The following ARHGAP8 variants were observed in gnomAD, a reference collection of about 807,000 sequenced individuals.
ARHGAP8 encodes rho GTPase-activating protein 8.
Under a neutral mutation model 46.1 loss-of-function variants are expected in ARHGAP8, and 62 were observed. That is an observed-to-expected ratio of 1.34 (90% CI 1.10 to 1.66). ARHGAP8 has a LOEUF of 1.66. Among genes scored for constraint, ARHGAP8 ranks in the 40% most tolerant of loss-of-function variants. The pLI is 0.00. For synonymous variants in ARHGAP8, 375 were observed against 243.1 expected (o/e 1.54, Z -5.05); for missense variants, 923 against 568.4 (o/e 1.62, Z -6.34).
chr22:44,860,128 T>G (rs1249464097), intron 11 of ARHGAP8, among the ~76,000 whole-genome samples: 1 of 152,100 alleles, frequency 6.6e-6, no homozygotes, highest in Admixed American at 6.5e-5. Context: ...CCCCATGTCA[T>G]TTCCTGCTTG....
intron 2 of ARHGAP8, among the ~76,000 whole-genome samples, chr22:44,793,511 C>G (rs1247967835): frequency 6.6e-6 from 1 of 152,128 alleles, no homozygotes; most frequent in Non-Finnish European, 1.5e-5. Context: ...TCCACTTTTG[C>G]AAAAATGGTT....
At chr22:44,860,958 G>A (rs3830115) in intron 11 of ARHGAP8, among the ~76,000 whole-genome samples, 64,045 of 151,654 alleles carry the variant, frequency 0.42, 13,762 homozygotes, top group East Asian at 0.6. Flanking sequence ...TTTTCTCCCT[G>A]TTGCTTGACA....
At chr22:44,772,366 T>TC (rs1214151159) in intron 1 of ARHGAP8, among the ~76,000 whole-genome samples, 4 of 148,016 alleles carry the variant, frequency 2.7e-5, no homozygotes, top group African/African-American at 7.4e-5. Flanking sequence ...TTTTTTTTTT[T>TC]TTAAGTAGAG....
chr22:44,808,269 G>T, intron 3 of ARHGAP8, 38 bp from the exon 4 acceptor site: 2 of 1,596,612 alleles, frequency 1.3e-6, no homozygotes, highest in Non-Finnish European at 1.7e-6. Context: ...ATAATGAGTA[G>T]GTGATTTTCA....
In ARHGAP8 at chr22:44,862,621, A is replaced by G; in HGVS notation, c.*26A>G. 2.0e-6 allele frequency: 3 copies of G among 1,530,490 alleles called. No homozygotes were observed. Among genetic ancestry groups the G allele is most frequent in the Admixed American group, 2.0e-5 (1 of 49,246 alleles). 94.8% of individuals were successfully genotyped at this position (1,530,490 alleles called of 1,614,324 possible). On this transcript the variant is annotated 3_prime_UTR_variant, in exon 12 of 12. Transcript: ENST00000356099. ...TGTTGCGAACACTCTGTATATTTCG[A>G]GCTACCTCCCACACCTGTCTGTGCA...
intron 6 of ARHGAP8, among the ~76,000 whole-genome samples, chr22:44,824,864 C>A (rs1412120419): frequency 6.6e-6 from 1 of 151,982 alleles, no homozygotes; most frequent in Non-Finnish European, 1.5e-5. Context: ...AACTCCTAAC[C>A]TCAAGTGATC....
At chr22:44,852,572 A>T (rs972730683) in intron 10 of ARHGAP8, among the ~76,000 whole-genome samples, 8 of 152,292 alleles carry the variant, frequency 5.3e-5, no homozygotes, top group South Asian at 2.1e-4. Context: ...TTTACAGTCC[A>T]GAAACTGAGT....
At position 44,808,442 on chromosome 22, in the gene ARHGAP8, C is replaced by A. The variant is rs374300088; in HGVS notation, c.299+4C>A. ...CATACAAGGAGTTCGATAGGAAGTACGTGCCCGCAAGCCTTCAGGGACGTG... is the reference window on the plus strand; with the variant it reads ...CATACAAGGAGTTCGATAGGAAGTAAGTGCCCGCAAGCCTTCAGGGACGTG... On this transcript the variant is annotated splice_donor_region_variant and intron_variant, in intron 4 of 11. Coordinates refer to ENST00000356099, the MANE Select transcript of ARHGAP8 (RefSeq NM_181335.3). The A allele has an allele frequency of 1.9e-6, 3 of 1,613,588 alleles. No individual in the cohort carries two copies. Among genetic ancestry groups the A allele is most frequent in the East Asian group, 4.5e-5 (2 of 44,880 alleles).
chr22:44,860,465 CCCT>C (rs1470604734), intron 11 of ARHGAP8, among the ~76,000 whole-genome samples: 1 of 152,148 alleles, frequency 6.6e-6, no homozygotes, highest in East Asian at 1.9e-4. Flanking sequence ...CTCCACCTTT[CCCT>C]CCTAAGTGTG....
At chr22:44,830,784 CCA>C (rs1930891866) in intron 7 of ARHGAP8, among the ~76,000 whole-genome samples, 1 of 152,128 alleles carries the variant, frequency 6.6e-6, no homozygotes, top group Admixed American at 6.5e-5. Context: ...GGTGATCCAC[CCA>C]TCTCGGCCTC....
At chr22:44,819,660 C>T (rs540869357) in intron 5 of ARHGAP8, among the ~76,000 whole-genome samples, 22 of 151,836 alleles carry the variant, frequency 1.4e-4, no homozygotes, top group Non-Finnish European at 2.9e-4. Flanking sequence ...GCAATAAGAG[C>T]GAAACTCCAC....
At chr22:44,810,007 A>G (rs1430839816) in intron 4 of ARHGAP8, among the ~76,000 whole-genome samples, 1 of 152,134 alleles carries the variant, frequency 6.6e-6, no homozygotes, top group African/African-American at 2.4e-5. Context: ...GGGCACCTGT[A>G]TAAGCTGGAG....
chr22:44,772,918 A>C (rs1926146575), intron 1 of ARHGAP8, among the ~76,000 whole-genome samples: 2 of 149,482 alleles, frequency 1.3e-5, no homozygotes, highest in South Asian at 2.1e-4. Flanking sequence ...TCCTGGGTTC[A>C]AGCGGTCCTC....
chr22:44,848,142 C>T, intron 9 of ARHGAP8, 92 bp downstream of exon 9: 12 of 1,521,728 alleles, frequency 7.9e-6, no homozygotes, highest in Middle Eastern at 1.8e-4. Context: ...AAGCACCGCC[C>T]CCGCAACCCA....
At chr22:44,860,409 C>T (rs915733504) in intron 11 of ARHGAP8, among the ~76,000 whole-genome samples, 4 of 151,916 alleles carry the variant, frequency 2.6e-5, no homozygotes, top group Admixed American at 6.6e-5. Flanking sequence ...TCCAGCTATG[C>T]CTCCAGCTCC....
intron 1 of ARHGAP8, among the ~76,000 whole-genome samples, chr22:44,765,564 C>T (rs920684203): frequency 2.0e-5 from 3 of 152,172 alleles, no homozygotes; most frequent in South Asian, 4.2e-4. Context: ...GAGGACAGGT[C>T]GGGTCTGTCC....
At chr22:44,766,113 G>A (rs132461) in intron 1 of ARHGAP8, 38,989 of 152,490 alleles carry the variant, frequency 0.26, 5,496 homozygotes, top group Non-Finnish European at 0.32. Context: ...TGCATGCGAG[G>A]CCCTGCCAGC....
chr22:44,753,128 G>A (rs1924379447), intron 1 of ARHGAP8, among the ~76,000 whole-genome samples: 1 of 152,150 alleles, frequency 6.6e-6, no homozygotes, highest in African/African-American at 2.4e-5. Context: ...AGAAAACGGA[G>A]GCCGGGGCAG....
At chr22:44,759,933 T>C (rs1484677251) in intron 1 of ARHGAP8, among the ~76,000 whole-genome samples, 1 of 152,234 alleles carries the variant, frequency 6.6e-6, no homozygotes, top group African/African-American at 2.4e-5. Context: ...GCAGAGATGC[T>C]TGGTGTTCCC....
Sources: allele counts gnomAD v4.1 joint callset (sites outside exome capture counted in the v4.1 genomes callset), GRCh38; gene constraint gnomAD v4.1.1; transcripts MANE v1.5; gene names NCBI Gene and HGNC (gene_info 2026-07-23, HGNC 2026-07-21).